The following CLNK variants were observed in gnomAD, a reference collection of about 807,000 sequenced individuals.
CLNK encodes cytokine dependent hematopoietic cell linker, also known as cytokine-dependent hematopoietic cell linker.
Under a neutral mutation model 68.6 loss-of-function variants are expected in CLNK, and 74 were observed. The ratio of observed to expected loss-of-function variants is 1.08; its 90% CI spans 0.89 to 1.31. The LOEUF (loss-of-function observed/expected upper bound fraction) is 1.31. Ranked by LOEUF, CLNK falls within the 50% of genes most tolerant of loss-of-function variation. The pLI is 0.00. For missense variants in CLNK, 553 were observed against 515.3 expected, an observed-to-expected ratio of 1.07 and a Z score of -0.71; for synonymous variants, 198 against 172.2, an observed-to-expected ratio of 1.15 and a Z score of -1.17.
intron 2 of CLNK, among the ~76,000 whole-genome samples, chr4:10,648,740 T>C (rs1485073022): frequency 6.6e-6 from 1 of 152,220 alleles, no homozygotes; most frequent in African/African-American, 2.4e-5. Flanking sequence ...GTTTCCCCTT[T>C]GTTCCATTCT....
At chr4:10,546,720 C>T (rs181248157) in intron 8 of CLNK, among the ~76,000 whole-genome samples, 1 of 152,280 alleles carries the variant, frequency 6.6e-6, no homozygotes, top group Admixed American at 6.5e-5. Context: ...AGCAACACTC[C>T]ACTTCTTGAC....
At chr4:10,506,488 A>T (rs1012703185) in intron 17 of CLNK, among the ~76,000 whole-genome samples, 3 of 152,100 alleles carry the variant, frequency 2.0e-5, no homozygotes, top group African/African-American at 7.2e-5. Context: ...CTGCAGCATA[A>T]CCTACCATAT....
chr4:10,503,785 T>A (rs866634689), intron 17 of CLNK, among the ~76,000 whole-genome samples: 4,358 of 128,632 alleles, frequency 0.034, 260 homozygotes, highest in African/African-American at 0.12. Context: ...TTTTTTTTTT[T>A]TTTTTTTTTT....
intron 2 of CLNK, among the ~76,000 whole-genome samples, chr4:10,632,204 C>A (rs368116646): frequency 1.3e-5 from 2 of 152,230 alleles, no homozygotes; most frequent in Non-Finnish European, 1.5e-5. Flanking sequence ...GTCCAGGCAT[C>A]GTCCTTGACC....
At chr4:10,521,810 T>A (rs535066825) in intron 14 of CLNK, among the ~76,000 whole-genome samples, 64 of 152,220 alleles carry the variant, frequency 4.2e-4, no homozygotes, top group African/African-American at 1.4e-3. Context: ...CTGTTAAATG[T>A]CTGGGAAAAA....
the CLNK span, among the ~76,000 whole-genome samples, chr4:10,719,592 G>A: frequency 2.0e-5 from 3 of 151,998 alleles, no homozygotes; most frequent in African/African-American, 7.2e-5. Context: ...AGAATTAAAA[G>A]AAGAAATAGA....
chr4:10,605,273 C>T (rs1721743112), intron 2 of CLNK, among the ~76,000 whole-genome samples: 1 of 152,068 alleles, frequency 6.6e-6, no homozygotes, highest in Non-Finnish European at 1.5e-5. Context: ...TATACAGTGA[C>T]ACATCGCTTA....
At chr4:10,726,771 C>T in the CLNK span, among the ~76,000 whole-genome samples, 1 of 152,154 alleles carries the variant, frequency 6.6e-6, no homozygotes, top group Non-Finnish European at 1.5e-5. Flanking sequence ...CACCTCCACC[C>T]ATGATAAACC....
intron 2 of CLNK, among the ~76,000 whole-genome samples, chr4:10,625,139 A>T (rs1722616794): frequency 6.6e-6 from 1 of 152,206 alleles, no homozygotes; most frequent in Admixed American, 6.5e-5. Context: ...TGATAGGAAG[A>T]TCTCTTGCCC....
At chr4:10,721,006 A>C in the CLNK span, among the ~76,000 whole-genome samples, 1 of 152,246 alleles carries the variant, frequency 6.6e-6, no homozygotes, top group Non-Finnish European at 1.5e-5. Flanking sequence ...TGAATTGTTA[A>C]TACATACACA....
chr4:10,559,174 G>A (rs535682752), intron 7 of CLNK, among the ~76,000 whole-genome samples: 21 of 152,296 alleles, frequency 1.4e-4, no homozygotes, highest in South Asian at 8.3e-4. Flanking sequence ...GGGTCCCTAC[G>A]TCTTTGAAAA....
chr4:10,545,269 T>C (rs1719181129), intron 8 of CLNK, among the ~76,000 whole-genome samples: 1 of 152,306 alleles, frequency 6.6e-6, no homozygotes, highest in South Asian at 2.1e-4. Flanking sequence ...CAAGATGCAA[T>C]TGTGGGGCAA....
intron 4 of CLNK, among the ~76,000 whole-genome samples, chr4:10,575,142 G>A (rs781302873): frequency 4.6e-5 from 7 of 152,114 alleles, no homozygotes; most frequent in Admixed American, 6.5e-5. Context: ...AGTCTCTCCC[G>A]TACTGCACTC....
chr4:10,586,331 T>C lies in CLNK; in HGVS notation c.84-1376A>G, dbSNP rs11929736. 4.7e-3 allele frequency among the ~76,000 whole-genome samples: 528 copies of C among 111,640 alleles called. 3 individuals are homozygous for C. The highest frequency in any genetic ancestry group is 0.017 in the African/African-American group (510 of 30,564). The allele number at this position is 111,640 out of a possible 152,430, so 73.2% of individuals were successfully genotyped here. A position where few individuals can be genotyped will look rare whatever the true frequency, so the allele number is the denominator to read the frequency against. On this transcript the variant is annotated intron_variant, in intron 3 of 18. Coordinates refer to ENST00000226951, the MANE Select transcript of CLNK (RefSeq NM_052964.4). ...AACCTCATCTCTGAATCTTTCTTTT[T>C]TTTTCTTTTTTTTTTTTTTTTTTGA...
chr4:10,637,917 C>T, intron 2 of CLNK, among the ~76,000 whole-genome samples: 1 of 151,620 alleles, frequency 6.6e-6, no homozygotes, highest in African/African-American at 2.4e-5. Context: ...CATCATTCCT[C>T]TTTTATTGCC....
chr4:10,573,075 T>C (rs1233540386), intron 4 of CLNK, among the ~76,000 whole-genome samples: 2 of 152,148 alleles, frequency 1.3e-5, no homozygotes, highest in African/African-American at 4.8e-5. Context: ...ATGATCCGCC[T>C]ACCTTGGCCT....
intron 2 of CLNK, among the ~76,000 whole-genome samples, chr4:10,614,659 C>T (rs183814732): frequency 3.9e-5 from 6 of 152,308 alleles, no homozygotes; most frequent in East Asian, 3.9e-4. Context: ...TAAGAGGCCA[C>T]GGAATCTGTG....
chr4:10,707,743 G>A, the CLNK span, among the ~76,000 whole-genome samples: 12 of 152,254 alleles, frequency 7.9e-5, no homozygotes, highest in South Asian at 4.1e-4. Context: ...ACCCCTTCTT[G>A]TGCCAGGGAA....
At chr4:10,545,978 T>C (rs1358040924) in intron 8 of CLNK, among the ~76,000 whole-genome samples, 3 of 152,148 alleles carry the variant, frequency 2.0e-5, no homozygotes. Context: ...AGTGAGCTGG[T>C]AGACAGCGCC....
Sources: allele counts gnomAD v4.1 joint callset (sites outside exome capture counted in the v4.1 genomes callset), GRCh38; gene constraint gnomAD v4.1.1; transcripts MANE v1.5; gene names NCBI Gene and HGNC (gene_info 2026-07-23, HGNC 2026-07-21).